Variants in ATP10B observed in about 807,000 individuals in gnomAD.
ATP10B encodes phospholipid-transporting ATPase VB.
ATP10B carries 122 observed loss-of-function variants against 141.2 expected under a neutral mutation model. That is an observed-to-expected ratio of 0.86 (90% CI 0.75 to 1.00). The LOEUF is 1.00. Among genes scored for constraint, ATP10B ranks in the 50% least tolerant of loss-of-function variants. ATP10B has a pLI of 0.00. For synonymous variants in ATP10B, 685 were observed against 692.0 expected (o/e 0.99, Z 0.16); for missense variants, 1,876 against 1,825.3 (o/e 1.03, Z -0.51).
chr5:160,677,988 T>G (rs751387718), intron 6 of ATP10B, among the ~76,000 whole-genome samples: 1 of 152,210 alleles, frequency 6.6e-6, no homozygotes, highest in Non-Finnish European at 1.5e-5. Flanking sequence ...ACCAAGTGGC[T>G]GAGGCTATGA....
intron 22 of ATP10B, among the ~76,000 whole-genome samples, chr5:160,597,143 T>A (rs1196146832): frequency 6.6e-6 from 1 of 152,158 alleles, no homozygotes; most frequent in Non-Finnish European, 1.5e-5. Flanking sequence ...GACCTCAAAC[T>A]ATACTACAAG....
chr5:160,783,665 T>G (rs1228404913), intron 2 of ATP10B, among the ~76,000 whole-genome samples: 1 of 151,266 alleles, frequency 6.6e-6, no homozygotes, highest in Non-Finnish European at 1.5e-5. Flanking sequence ...GTTCCATGAT[T>G]TTGCAATTGC....
intron 2 of ATP10B, among the ~76,000 whole-genome samples, chr5:160,724,787 T>C (rs562922903): frequency 6.6e-6 from 1 of 152,362 alleles, no homozygotes; most frequent in African/African-American, 2.4e-5. Flanking sequence ...TTTCTTGCTC[T>C]TTTTAATGAG....
At chr5:160,839,395 C>T (rs1775682121) in intron 1 of ATP10B, among the ~76,000 whole-genome samples, 1 of 152,016 alleles carries the variant, frequency 6.6e-6, no homozygotes, top group Non-Finnish European at 1.5e-5. Context: ...TCTTATGGGC[C>T]ATGGCAAAGA....
In ATP10B at chr5:160,656,692, C is replaced by T. The variant is rs566204351; in HGVS notation, c.676-7436G>A. Among the ~76,000 whole-genome samples, 302 of 151,520 alleles carry T rather than the reference C, an allele frequency of 2.0e-3. 1 individual carries two copies. Among genetic ancestry groups the T allele is most frequent in the African/African-American group, 6.9e-3 (284 of 41,226 alleles). On this transcript the variant is annotated intron_variant, in intron 7 of 25. Transcript: ENST00000327245. Reference sequence around the variant, plus strand: ...AAGGACAACCTCTTTTTTTTATAGTCACAAAGGGTCTTTTTTTTTTAAATG... The same window carrying T: ...AAGGACAACCTCTTTTTTTTATAGTTACAAAGGGTCTTTTTTTTTTAAATG...
chr5:160,669,737 C>T (rs748485775), intron 7 of ATP10B, among the ~76,000 whole-genome samples: 12 of 149,978 alleles, frequency 8.0e-5, no homozygotes, highest in Non-Finnish European at 1.3e-4. Flanking sequence ...GTAGCTGGGA[C>T]TACAGATGCC....
chr5:160,641,976 C>A (rs1416323067), intron 9 of ATP10B, among the ~76,000 whole-genome samples: 1 of 152,188 alleles, frequency 6.6e-6, no homozygotes, highest in Non-Finnish European at 1.5e-5. Context: ...TGCCTCTCAG[C>A]CTCACTCCAT....
the ATP10B span, among the ~76,000 whole-genome samples, chr5:160,896,628 G>C: frequency 1.1e-4 from 16 of 152,188 alleles, no homozygotes; most frequent in African/African-American, 3.4e-4. Flanking sequence ...AACAGGAGCT[G>C]GTACCATTTT....
At chr5:160,777,374 A>G (rs1029608292) in intron 2 of ATP10B, among the ~76,000 whole-genome samples, 1 of 152,102 alleles carries the variant, frequency 6.6e-6, no homozygotes, top group African/African-American at 2.4e-5. Flanking sequence ...CTACCCTCCT[A>G]TTAATAGATA....
chr5:160,882,031 A>G, the ATP10B span, among the ~76,000 whole-genome samples: 20,178 of 152,188 alleles, frequency 0.13, 1,416 homozygotes, highest in African/African-American at 0.16. Flanking sequence ...TACAAACTGT[A>G]TAATATTCCA....
intron 3 of ATP10B, among the ~76,000 whole-genome samples, chr5:160,695,654 C>A (rs1292639422): frequency 6.6e-6 from 1 of 152,076 alleles, no homozygotes; most frequent in East Asian, 1.9e-4. Flanking sequence ...AGAAATAAGT[C>A]TTTACTAGAG....
chr5:160,865,693 C>G, the ATP10B span, among the ~76,000 whole-genome samples: 1 of 151,968 alleles, frequency 6.6e-6, no homozygotes, highest in Non-Finnish European at 1.5e-5. Flanking sequence ...GGACAAATAT[C>G]CAGAATCTAC....
At chr5:160,897,726 T>C in the ATP10B span, among the ~76,000 whole-genome samples, 1 of 152,214 alleles carries the variant, frequency 6.6e-6, no homozygotes, top group Non-Finnish European at 1.5e-5. Flanking sequence ...AGAGCTCATA[T>C]AGCCAAGACA....
intron 25 of ATP10B, among the ~76,000 whole-genome samples, chr5:160,568,636 G>T (rs1259583960): frequency 6.6e-6 from 1 of 152,150 alleles, no homozygotes; most frequent in Non-Finnish European, 1.5e-5. Flanking sequence ...CTCTGACTAT[G>T]ATCTGTGGTA....
chr5:160,852,534 A>C (rs996095140), upstream of ATP10B, among the ~76,000 whole-genome samples: 2 of 152,164 alleles, frequency 1.3e-5, no homozygotes, highest in African/African-American at 4.8e-5. Context: ...GACTCTCTAC[A>C]GTGACTTTTA....
At chr5:160,823,029 T>A (rs1206337424) in intron 1 of ATP10B, among the ~76,000 whole-genome samples, 1 of 120,000 alleles carries the variant, frequency 8.3e-6, no homozygotes, top group Non-Finnish European at 1.7e-5. Flanking sequence ...TATATATATA[T>A]ATATATAAAA....
intron 13 of ATP10B, among the ~76,000 whole-genome samples, chr5:160,623,618 C>G (rs1421962): frequency 0.77 from 117,291 of 152,042 alleles, 45,545 homozygotes; most frequent in Middle Eastern, 0.87. Flanking sequence ...TCACATCTTT[C>G]TAGAAGTTAC....
At chr5:160,806,895 C>T (rs1772813271) in intron 1 of ATP10B, among the ~76,000 whole-genome samples, 1 of 152,162 alleles carries the variant, frequency 6.6e-6, no homozygotes, top group African/African-American at 2.4e-5. Flanking sequence ...GGCAACAGAG[C>T]ACTTTGTCAC....
the ATP10B span, among the ~76,000 whole-genome samples, chr5:160,905,162 A>C: frequency 2.0e-4 from 30 of 152,220 alleles, no homozygotes; most frequent in African/African-American, 6.5e-4. Flanking sequence ...GCTGAGGCTC[A>C]GGGAGTTTAA....
Sources: gnomAD v4.1 joint callset for allele counts (sites outside exome capture counted in the v4.1 genomes callset) on GRCh38, gnomAD v4.1.1 for gene constraint, MANE v1.5 for transcripts, NCBI Gene and HGNC (gene_info 2026-07-23, HGNC 2026-07-21) for gene names.